Variants in ERMP1 observed in about 807,000 individuals in gnomAD.
ERMP1 encodes the protein endoplasmic reticulum metallopeptidase 1.
A neutral mutation model predicts 92.0 loss-of-function variants in ERMP1; 86 were observed. That is an observed-to-expected ratio of 0.93 (90% CI 0.79 to 1.12). The LOEUF (loss-of-function observed/expected upper bound fraction) is 1.12, where lower values mean the gene tolerates loss of function less well. Ranked by LOEUF, ERMP1 falls within the 50% of genes most tolerant of loss-of-function variation. The pLI, the probability that ERMP1 is intolerant of heterozygous loss-of-function variation, is 0.00. For synonymous variants in ERMP1, 530 were observed against 412.8 expected, an observed-to-expected ratio of 1.28 and a Z score of -3.44; for missense variants, 1,342 against 1,116.3, an observed-to-expected ratio of 1.20 and a Z score of -2.88.
intron 6 of ERMP1, among the ~76,000 whole-genome samples, chr9:5,850,002 G>A (rs1400573826): frequency 1.3e-5 from 2 of 152,140 alleles, no homozygotes; most frequent in East Asian, 3.9e-4. Context: ...TTGCAGTGTA[G>A]GCACCACAGG....
Position 5,830,931 on chromosome 9 carries a change from G to C in ERMP1, c.436C>G (p.Leu146Val), listed in dbSNP as rs1186172857. 17 of 1,614,028 alleles carry C rather than the reference G, an allele frequency of 1.1e-5. No homozygotes were observed. The highest frequency in any genetic ancestry group is 1.4e-5 in the Non-Finnish European group (17 of 1,179,906). ...AGGCTGTTGCTTTGCACTTCAATCA[G>C]TTTAATCTGTTCCAAAAGGTAGTGC... ...TVHYLLEQIK[L>V]IEVQSNSLHK... The change falls in exon 2 of 15, where the codon CTG becomes GTG. Residue 146 changes from leucine to valine, a missense_variant. By Grantham distance (32) the Leu-to-Val change is conservative. Coordinates refer to ENST00000339450, the MANE Select transcript of ERMP1 (RefSeq NM_024896.3).
At chr9:5,818,048 T>G (rs1829386527) in intron 4 of ERMP1, among the ~76,000 whole-genome samples, 1 of 151,948 alleles carries the variant, frequency 6.6e-6, no homozygotes, top group African/African-American at 2.4e-5. Context: ...CTATCGATTT[T>G]GGTGGATCTC....
intron 7 of ERMP1, among the ~76,000 whole-genome samples, chr9:5,810,592 A>G (rs1829054518): frequency 6.6e-6 from 1 of 152,240 alleles, no homozygotes. Flanking sequence ...TCCATATAAA[A>G]TGTTGTTAAA....
rs560168737 is a variant in ERMP1, at chr9:5,825,372, C to T, written c.641-153G>A. Among the ~76,000 whole-genome samples the T allele has an allele frequency of 9.1e-4, 139 of 152,326 alleles. 4 individuals are homozygous for T. In the South Asian group the frequency reaches 0.028, roughly 31 times the overall value. On this transcript the variant is annotated intron_variant, in intron 2 of 14. Coordinates refer to ENST00000339450, the MANE Select transcript of ERMP1 (RefSeq NM_024896.3). The stretch of plus-strand genomic sequence containing the variant: ...CTGTCATCATCAGGTGACAATCACA[C>T]CCACCAGCAGTAAGTTCCATGAAGG...
In ERMP1 at chr9:5,833,072, A is replaced by G. The variant is rs1420018997; in HGVS notation, c.-45T>C. ...CAGCCCAACCGCCCCAACCCGCGACAGCCCCGGCCGCCGCCGACGCCGCCG... is the reference window on the plus strand; with the variant it reads ...CAGCCCAACCGCCCCAACCCGCGACGGCCCCGGCCGCCGCCGACGCCGCCG... On this transcript the variant is annotated 5_prime_UTR_variant, in exon 1 of 15. Transcript: ENST00000339450. The G allele has an allele frequency of 1.2e-5, 17 of 1,369,558 alleles. No homozygotes were observed. The highest frequency in any genetic ancestry group is 1.7e-5 in the South Asian group (1 of 60,588). 84.8% of individuals were successfully genotyped at this position (1,369,558 alleles called of 1,614,324 possible).
At chr9:5,821,196 T>C (rs966209017) in intron 4 of ERMP1, among the ~76,000 whole-genome samples, 2 of 152,234 alleles carry the variant, frequency 1.3e-5, no homozygotes, top group African/African-American at 4.8e-5. Context: ...ATCATATACA[T>C]TGCAAAAATT....
At chr9:5,834,959 T>TAGATA (rs113512744), upstream of ERMP1, among the ~76,000 whole-genome samples, 1 of 143,464 alleles carries the variant, frequency 7.0e-6, no homozygotes, top group Admixed American at 7.0e-5. Flanking sequence ...GATAGACAGA[T>TAGATA]GATAGATGGA....
At chr9:5,861,728 T>TTTG (rs1563787353) in intron 5 of ERMP1, among the ~76,000 whole-genome samples, 2 of 144,156 alleles carry the variant, frequency 1.4e-5, no homozygotes, top group African/African-American at 5.1e-5. Context: ...TTTTTTTTTT[T>TTTG]TTTTTTTTTT....
chr9:5,803,386 G>A (rs968352579), intron 10 of ERMP1, among the ~76,000 whole-genome samples: 1 of 152,178 alleles, frequency 6.6e-6, no homozygotes, highest in Non-Finnish European at 1.5e-5. Context: ...TAATTTAGAT[G>A]ATAAGACACT....
At chr9:5,787,619 A>G in intron 13 of ERMP1, 26 bp from the exon 14 acceptor site, 1 of 1,591,386 alleles carries the variant, frequency 6.3e-7, no homozygotes, top group Non-Finnish European at 8.5e-7. Context: ...AAGAAAGAAC[A>G]GTTAATCTTT....
chr9:5,861,929 G>A (rs1259348513), intron 5 of ERMP1, among the ~76,000 whole-genome samples: 2 of 151,630 alleles, frequency 1.3e-5, no homozygotes, highest in Non-Finnish European at 2.9e-5. Flanking sequence ...AGATAATCAG[G>A]GGCTGTCCCT....
Position 5,810,784 on chromosome 9 carries a change from G to A in ERMP1, c.1327+327C>T, listed in dbSNP as rs145062410. 7.4e-4 allele frequency among the ~76,000 whole-genome samples: 112 copies of A among 152,082 alleles called. No homozygotes were observed. In the East Asian group the frequency reaches 8.7e-3, roughly 12 times the overall value. ...ACCACAAGCAGTTCATTCATACTTCGTGACACTGGTCCATACTAGCTATTG... is the reference window on the plus strand; with the variant it reads ...ACCACAAGCAGTTCATTCATACTTCATGACACTGGTCCATACTAGCTATTG... On this transcript the variant is annotated intron_variant, in intron 7 of 14. Coordinates refer to ENST00000339450, the MANE Select transcript of ERMP1 (RefSeq NM_024896.3).
chr9:5,817,886 A>T (rs1031066540), intron 4 of ERMP1, among the ~76,000 whole-genome samples: 6 of 152,148 alleles, frequency 3.9e-5, no homozygotes, highest in Admixed American at 3.9e-4. Flanking sequence ...AATAAAAGAG[A>T]CTAAGAGTGG....
At chr9:5,825,291 A>G in intron 2 of ERMP1, 72 bp from the exon 3 acceptor site, 1 of 1,447,230 alleles carries the variant, frequency 6.9e-7, no homozygotes, top group Non-Finnish European at 9.3e-7. Flanking sequence ...AGGACTAGGA[A>G]TGGAGCTTTC....
intron 5 of ERMP1, among the ~76,000 whole-genome samples, chr9:5,862,718 T>A (rs181350767): frequency 9.9e-5 from 15 of 152,266 alleles, no homozygotes; most frequent in Admixed American, 4.6e-4. Context: ...TCATCAAGGG[T>A]CATCCTTGAT....
Position 5,797,896 on chromosome 9 carries a change from T to C in ERMP1, c.2307A>G (p.Pro769=), listed in dbSNP as rs763741587. 1 of 1,613,728 alleles carries C rather than the reference T, an allele frequency of 6.2e-7. No individual in the cohort carries two copies. The highest frequency in any genetic ancestry group is 1.1e-5 in the South Asian group (1 of 91,032). Residue 769 remains proline (P), a synonymous_variant, in exon 13 of 15, where the codon CCA becomes CCG. Transcript: ENST00000339450. ...NWYLPAPEVS[P]RNPPHFRLIS... Reference sequence around the variant, plus strand: ...TGAGTCGGAAATGAGGAGGATTTCTTGGAGAAACTTCTGGGGCAGGAAGAT... The same window carrying C: ...TGAGTCGGAAATGAGGAGGATTTCTCGGAGAAACTTCTGGGGCAGGAAGAT...
Position 5,832,857 on chromosome 9 carries a change from G to C in ERMP1, c.171C>G (p.Ser57Arg), listed in dbSNP as rs767463497. The change falls in exon 1 of 15, where the codon AGC becomes AGG. Residue 57 changes from serine (S) to arginine (R), a missense_variant. Physicochemically the swap from Ser to Arg is moderately radical, Grantham distance 110 (BLOSUM62 -1). Transcript: ENST00000339450. ...GRTRKRSPGG[S>R]GGASRGAGTG... ...TCCCCGCGCCCCTGCTCGCGCCGCCGCTACCCCCGGGGCTCCTCTTCCGCG... is the reference window on the plus strand; with the variant it reads ...TCCCCGCGCCCCTGCTCGCGCCGCCCCTACCCCCGGGGCTCCTCTTCCGCG... 89 of 1,512,164 alleles carry C rather than the reference G, an allele frequency of 5.9e-5. No individual in the cohort carries two copies. In the African/African-American group the frequency reaches 1.2e-3, roughly 20 times the overall value. 93.7% of individuals were successfully genotyped at this position (1,512,164 alleles called of 1,614,324 possible).
Position 5,801,251 on chromosome 9 carries a change from G to C in ERMP1, c.1992C>G (p.Leu664=). ...TLTLVCAITF[L]LVCSGTFFPY... ...GAAAAAATGTTCCACTGCAAACAAGGAGGAATGTAATTGCACATACCAAAG... is the reference window on the plus strand; with the variant it reads ...GAAAAAATGTTCCACTGCAAACAAGCAGGAATGTAATTGCACATACCAAAG... The change falls in exon 11 of 15, where the codon CTC becomes CTG. Residue 664 remains leucine, a synonymous_variant. Transcript: ENST00000339450. 6.2e-7 allele frequency: 1 copy of C among 1,613,810 alleles called. No individual in the cohort carries two copies. The highest frequency in any genetic ancestry group is 8.5e-7 in the Non-Finnish European group (1 of 1,179,798).
intron 2 of ERMP1, among the ~76,000 whole-genome samples, chr9:5,829,339 C>T (rs902271903): frequency 6.6e-6 from 1 of 151,778 alleles, no homozygotes; most frequent in Non-Finnish European, 1.5e-5. Flanking sequence ...ACATTCTAAA[C>T]GCAATTGTCA....
Sources: allele counts gnomAD v4.1 joint callset (sites outside exome capture counted in the v4.1 genomes callset), GRCh38; gene constraint gnomAD v4.1.1; transcripts MANE v1.5; gene names NCBI Gene and HGNC (gene_info 2026-07-23, HGNC 2026-07-21).